VIPR2: variants seen among roughly 807,000 people sequenced by gnomAD.
The protein encoded by VIPR2 is vasoactive intestinal polypeptide receptor 2.
A neutral mutation model predicts 58.0 loss-of-function variants in VIPR2; 48 were observed. The ratio of observed to expected loss-of-function variants is 0.83; its 90% CI spans 0.66 to 1.05. The LOEUF (loss-of-function observed/expected upper bound fraction) is 1.05, where lower values mean the gene tolerates loss of function less well. Ranked by LOEUF, VIPR2 falls within the 50% of genes least tolerant of loss-of-function variation. The pLI, the probability that VIPR2 is intolerant of heterozygous loss-of-function variation, is 0.00. For missense variants in VIPR2, 534 were observed against 558.0 expected, an observed-to-expected ratio of 0.96 and a Z score of 0.43; for synonymous variants, 243 against 235.2, an observed-to-expected ratio of 1.03 and a Z score of -0.30.
intron 6 of VIPR2, among the ~76,000 whole-genome samples, chr7:159,040,170 TAC>T (rs1162745817): frequency 6.6e-6 from 1 of 152,228 alleles, no homozygotes; most frequent in Admixed American, 6.5e-5. Flanking sequence ...CTTCATTTTC[TAC>T]AGTGTGACCT....
At chr7:159,087,070 C>T (rs1027421955) in intron 4 of VIPR2, among the ~76,000 whole-genome samples, 1 of 152,024 alleles carries the variant, frequency 6.6e-6, no homozygotes, top group African/African-American at 2.4e-5. Flanking sequence ...TCCCAACAAA[C>T]AATAACCACA....
rs1238688866 is a variant in VIPR2 at position 159,030,136 on chromosome 7, G to A, written c.*480C>T. 6.5e-6 allele frequency: 1 copy of A among 153,954 alleles called. No homozygotes were observed. Among genetic ancestry groups the A allele is most frequent in the Non-Finnish European group, 1.4e-5 (1 of 69,348 alleles). 9.5% of individuals were successfully genotyped at this position (153,954 alleles called of 1,614,324 possible). A position where few individuals can be genotyped will look rare whatever the true frequency, so the allele number is the denominator to read the frequency against. On this transcript the variant is annotated 3_prime_UTR_variant, in exon 13 of 13. Transcript: ENST00000262178. ...CGAGGCGGGCCCATCACGAGGTCAG[G>A]AGATCGAGACCATCCTGGCTAACAT...
chr7:159,062,092 G>A (rs957511007), intron 4 of VIPR2, among the ~76,000 whole-genome samples: 3 of 152,214 alleles, frequency 2.0e-5, no homozygotes, highest in Admixed American at 6.5e-5. Flanking sequence ...ATGGGGCGCC[G>A]GCGGGTGTGA....
At position 159,093,145 on chromosome 7, in the gene VIPR2, G is replaced by A. The variant is rs1319365258; in HGVS notation, c.357+10612C>T. ...TGTGGTCCTGCGGGGGCTGGTGGGG[G>A]CAGAAGACATTTCCTCAAGACACTG... On this transcript the variant is annotated intron_variant, in intron 4 of 12. Coordinates refer to ENST00000262178, the MANE Select transcript of VIPR2 (RefSeq NM_003382.5). This position sits in a 1 kb window ranked among gnomAD's most constrained non-coding sequence, Gnocchi z 6.7. Among the ~76,000 whole-genome samples the A allele has an allele frequency of 6.6e-6, 1 of 152,166 alleles. No individual in the cohort carries two copies. Among genetic ancestry groups the A allele is most frequent in the African/African-American group, 2.4e-5 (1 of 41,430 alleles).
intron 4 of VIPR2, among the ~76,000 whole-genome samples, chr7:159,090,699 C>T: frequency 7.7e-6 from 1 of 129,232 alleles, no homozygotes; most frequent in African/African-American, 3.3e-5. Flanking sequence ...ACAGGGGCCA[C>T]CTCTTGTGAC....
chr7:159,056,580 T>A (rs1026521867), intron 5 of VIPR2, among the ~76,000 whole-genome samples: 1 of 152,182 alleles, frequency 6.6e-6, no homozygotes, highest in Non-Finnish European at 1.5e-5. Context: ...GTCCTGTATT[T>A]GTTGTGAGCG....
At chr7:159,092,650 CTTTT>C (rs60400731) in intron 4 of VIPR2, among the ~76,000 whole-genome samples, 60 of 133,676 alleles carry the variant, frequency 4.5e-4, no homozygotes, top group Middle Eastern at 4.0e-3. Context: ...CTTTTCTTTT[CTTTT>C]TTTTTTTTTT....
chr7:159,039,786 T>C (rs1481315755), intron 6 of VIPR2, among the ~76,000 whole-genome samples: 3 of 152,220 alleles, frequency 2.0e-5, no homozygotes, highest in Non-Finnish European at 4.4e-5. Context: ...CCCTCTGACC[T>C]GGCAACCTCA....
At chr7:159,041,040 G>A (rs574561155) in intron 6 of VIPR2, among the ~76,000 whole-genome samples, 1 of 152,346 alleles carries the variant, frequency 6.6e-6, no homozygotes, top group African/African-American at 2.4e-5. Context: ...GCTGGGCATC[G>A]TGGGGCCCCA....
At chr7:159,131,979 C>T (rs1163689534) in intron 2 of VIPR2, among the ~76,000 whole-genome samples, 6 of 152,236 alleles carry the variant, frequency 3.9e-5, no homozygotes, top group Non-Finnish European at 8.8e-5. Flanking sequence ...AGGGACTTTC[C>T]AATGGGACAG....
chr7:159,070,307 G>A (rs1856314609), intron 4 of VIPR2, among the ~76,000 whole-genome samples: 1 of 152,032 alleles, frequency 6.6e-6, no homozygotes, highest in Non-Finnish European at 1.5e-5. Flanking sequence ...AGGGCCCGGT[G>A]CTGCCACTGC....
rs116067496 is a variant in VIPR2, at chr7:159,044,064, C to T, written c.456-888G>A. ...CTTTGGGCTTAGCACAAGCAGGCAG[C>T]GAGAGCTAAGGCAGAGCTGCAGACA... On this transcript the variant is annotated intron_variant, in intron 5 of 12. Transcript: ENST00000262178. 4.1e-3 allele frequency among the ~76,000 whole-genome samples: 621 copies of T among 152,268 alleles called. 1 individual carries two copies. Among genetic ancestry groups the T allele is most frequent in the African/African-American group, 0.014 (595 of 41,542 alleles).
intron 4 of VIPR2, among the ~76,000 whole-genome samples, chr7:159,085,734 G>A (rs1258391220): frequency 6.6e-6 from 1 of 151,630 alleles, no homozygotes; most frequent in Non-Finnish European, 1.5e-5. Flanking sequence ...TTTTCGTTAG[G>A]AGTAACTGGT....
chr7:159,035,527 G>A (rs572080068), intron 8 of VIPR2, among the ~76,000 whole-genome samples: 1 of 152,346 alleles, frequency 6.6e-6, no homozygotes, highest in Non-Finnish European at 1.5e-5. Flanking sequence ...AGAGCATAGT[G>A]GAAAAGCGCT....
intron 2 of VIPR2, among the ~76,000 whole-genome samples, chr7:159,111,354 C>A (rs1318260264): frequency 6.6e-6 from 1 of 152,156 alleles, no homozygotes; most frequent in Non-Finnish European, 1.5e-5. Flanking sequence ...GAAGGTTCAG[C>A]TTTTTATCAC....
chr7:159,144,315 G>A, intron 1 of VIPR2: 2 of 1,517,564 alleles, frequency 1.3e-6, no homozygotes, highest in Non-Finnish European at 1.8e-6. Context: ...TACAGGGAGG[G>A]ACCGAGAGGC....
intron 4 of VIPR2, among the ~76,000 whole-genome samples, chr7:159,078,690 C>T (rs530488863): frequency 6.6e-6 from 1 of 152,300 alleles, no homozygotes; most frequent in Non-Finnish European, 1.5e-5. Context: ...AACCACACAG[C>T]CTTGGGCTAT....
chr7:159,071,325 C>T (rs922873973), intron 4 of VIPR2, among the ~76,000 whole-genome samples: 2 of 152,198 alleles, frequency 1.3e-5, no homozygotes, highest in African/African-American at 2.4e-5. Context: ...GAACCTTCCC[C>T]GGCTCAGCCT....
In VIPR2 at chr7:159,117,313, A is replaced by G. The variant is rs564372922; in HGVS notation, c.152-7394T>C. ...AATTTCTCAATGATTTTGTAATTATAAAAGCACTGGTCATGGAGCCAATGG... is the reference window on the plus strand; with the variant it reads ...AATTTCTCAATGATTTTGTAATTATGAAAGCACTGGTCATGGAGCCAATGG... On this transcript the variant is annotated intron_variant, in intron 2 of 12. Coordinates refer to ENST00000262178, the MANE Select transcript of VIPR2 (RefSeq NM_003382.5). 513 of 717,482 alleles carry G rather than the reference A, an allele frequency of 7.2e-4. 3 individuals carry two copies. The African/African-American group carries it at 8.0e-3, about 11-fold the overall frequency. The allele number at this position is 717,482 out of a possible 1,614,324, so 44.4% of individuals were successfully genotyped here.
Sources: gnomAD v4.1 joint callset for allele counts (sites outside exome capture counted in the v4.1 genomes callset) on GRCh38, gnomAD v4.1.1 for gene constraint, Gnocchi (gnomAD v3.1) non-coding constraint, MANE v1.5 for transcripts, NCBI Gene and HGNC (gene_info 2026-07-23, HGNC 2026-07-21) for gene names.